CCBE1: variants seen among roughly 807,000 people sequenced by gnomAD.
The protein encoded by CCBE1 is collagen and calcium binding EGF domains 1, also known as collagen and calcium-binding EGF domain-containing protein 1.
Under a neutral mutation model 50.0 loss-of-function variants are expected in CCBE1, and 37 were observed. That is an observed-to-expected ratio of 0.74 (90% CI 0.57 to 0.97). CCBE1 has a LOEUF of 0.97. CCBE1 is among the 50% of genes least tolerant of loss of function. The pLI, the probability that CCBE1 is intolerant of heterozygous loss-of-function variation, is 0.00. For synonymous variants in CCBE1, 234 were observed against 203.7 expected (o/e 1.15, Z -1.27); for missense variants, 538 against 523.8 (o/e 1.03, Z -0.26).
In CCBE1 at chr18:59,524,928, G is replaced by A. The variant is rs146241619; in HGVS notation, c.213-44690C>T. Among the ~76,000 whole-genome samples, 1,297 of 152,216 alleles carry A rather than the reference G, an allele frequency of 8.5e-3. 16 individuals are homozygous for A. The highest frequency in any genetic ancestry group is 0.027 in the South Asian group (130 of 4,818). ...ATGTCCCTGCAAACTACATGATCTC[G>A]TTCCTTTTAATGGCTGTATAGTGTT... is the stretch of plus-strand genomic sequence containing the variant. On this transcript the variant is annotated intron_variant, in intron 2 of 10. Coordinates refer to ENST00000439986, the MANE Select transcript of CCBE1 (RefSeq NM_133459.4).
rs540247760 is a variant in CCBE1 at position 59,608,015 on chromosome 18, T to C, written c.212+88614A>G. Among the ~76,000 whole-genome samples the C allele has an allele frequency of 2.5e-3, 383 of 151,160 alleles. 9 individuals carry two copies. The East Asian group carries it at 0.037, about 15-fold the overall frequency. On this transcript the variant is annotated intron_variant, in intron 2 of 10. Coordinates refer to ENST00000439986, the MANE Select transcript of CCBE1 (RefSeq NM_133459.4). ...CTCTTGAATCCAGGAAGCAGAGGTG[T>C]AGTGAGCCGATATTGCGCCACTGCA...
intron 2 of CCBE1, among the ~76,000 whole-genome samples, chr18:59,500,287 C>A (rs954640422): frequency 1.3e-5 from 2 of 152,152 alleles, no homozygotes; most frequent in Non-Finnish European, 1.5e-5. Context: ...GTCTGGGAGA[C>A]CTCTGTTAAT....
chr18:59,682,719 C>T (rs1220234199), intron 2 of CCBE1, among the ~76,000 whole-genome samples: 1 of 152,234 alleles, frequency 6.6e-6, no homozygotes, highest in Non-Finnish European at 1.5e-5. Flanking sequence ...CTAAGGATAT[C>T]TTAGCATATG....
At chr18:59,640,496 A>T (rs2144644116) in intron 2 of CCBE1, among the ~76,000 whole-genome samples, 1 of 152,314 alleles carries the variant, frequency 6.6e-6, no homozygotes, top group Non-Finnish European at 1.5e-5. Flanking sequence ...TGGATTAAAG[A>T]CTTAAACATA....
At chr18:59,455,585 T>C (rs539190579) in intron 5 of CCBE1, among the ~76,000 whole-genome samples, 30 of 152,318 alleles carry the variant, frequency 2.0e-4, no homozygotes, top group Non-Finnish European at 1.6e-4. Flanking sequence ...CATGGGCTTT[T>C]TGTAAAAACA....
chr18:59,592,716 T>C (rs1358583752), intron 2 of CCBE1, among the ~76,000 whole-genome samples: 1 of 152,186 alleles, frequency 6.6e-6, no homozygotes, highest in African/African-American at 2.4e-5. Context: ...GGTGAAAATA[T>C]ATTGGAGTAA....
At chr18:59,446,280 C>T (rs778463496) in intron 7 of CCBE1, among the ~76,000 whole-genome samples, 2 of 152,192 alleles carry the variant, frequency 1.3e-5, no homozygotes, top group Non-Finnish European at 2.9e-5. Context: ...CTCCCCTGCT[C>T]CTACAGTTGG....
At chr18:59,530,073 T>C (rs944692949) in intron 2 of CCBE1, among the ~76,000 whole-genome samples, 1 of 152,204 alleles carries the variant, frequency 6.6e-6, no homozygotes, top group African/African-American at 2.4e-5. Flanking sequence ...GTGATGCTGA[T>C]GCTGCTGTTC....
rs1449417855 is a variant in CCBE1, at chr18:59,435,924, CTG to C, written c.1203_1204del (p.Asp403LeufsTer23). On this transcript the variant is annotated frameshift_variant, in exon 11 of 11. Coordinates refer to ENST00000439986, the MANE Select transcript of CCBE1 (RefSeq NM_133459.4). LOFTEE classifies it high-confidence loss of function. The stretch of plus-strand genomic sequence containing the variant: ...TGGGATGTGCTATGGGTAGAAGTCT[CTG>C]GGGGCTCTCAAGTCTCTTGTCTCAG... 1 of 1,614,122 alleles carries C rather than the reference CTG, an allele frequency of 6.2e-7. No homozygotes were observed. The highest frequency in any genetic ancestry group is 1.1e-5 in the South Asian group (1 of 91,066).
At chr18:59,498,705 CT>C (rs1179369580) in intron 2 of CCBE1, among the ~76,000 whole-genome samples, 3 of 152,160 alleles carry the variant, frequency 2.0e-5, no homozygotes, top group African/African-American at 7.2e-5. Flanking sequence ...TTTTCCGTGC[CT>C]TGTTGCTTTC....
intron 2 of CCBE1, among the ~76,000 whole-genome samples, chr18:59,666,598 C>CA (rs1416338384): frequency 2.0e-5 from 3 of 149,616 alleles, no homozygotes; most frequent in Non-Finnish European, 4.4e-5. Context: ...AGCAAAGCTA[C>CA]AAGACACTTT....
In CCBE1 at chr18:59,480,192, G is replaced by T. The variant is rs148498685; in HGVS notation, c.259C>A (p.Pro87Thr). ...GYKFVLGQCI[P>T]EDYDVCAEAP... ...TCTTTTTTATATTACATACCTTCTG[G>T]GATGCATTGTCCAAGAACAAATTTA... The change falls in exon 3 of 11, where the codon CCA becomes ACA. Residue 87 changes from proline to threonine, a missense_variant. Physicochemically the swap from Pro to Thr is conservative, Grantham distance 38. Coordinates refer to ENST00000439986, the MANE Select transcript of CCBE1 (RefSeq NM_133459.4). 5 of 1,586,928 alleles carry T rather than the reference G, an allele frequency of 3.2e-6. No homozygotes were observed. The highest frequency in any genetic ancestry group is 4.3e-6 in the Non-Finnish European group (5 of 1,156,064).
chr18:59,506,025 A>G (rs946401052), intron 2 of CCBE1, among the ~76,000 whole-genome samples: 7 of 152,230 alleles, frequency 4.6e-5, no homozygotes, highest in Admixed American at 1.3e-4. Context: ...GTGTCTCCCC[A>G]TTCACATATA....
intron 2 of CCBE1, among the ~76,000 whole-genome samples, chr18:59,625,088 C>A (rs955905859): frequency 1.3e-5 from 2 of 152,060 alleles, no homozygotes; most frequent in Non-Finnish European, 2.9e-5. Context: ...AAATGGAAAC[C>A]AAAATCCCCT....
At chr18:59,612,621 G>T (rs1029265836) in intron 2 of CCBE1, among the ~76,000 whole-genome samples, 1 of 152,128 alleles carries the variant, frequency 6.6e-6, no homozygotes, top group Non-Finnish European at 1.5e-5. Flanking sequence ...ACTGAGACTT[G>T]GACAGCTGAA....
At chr18:59,599,018 C>T (rs2053393752) in intron 2 of CCBE1, among the ~76,000 whole-genome samples, 1 of 152,108 alleles carries the variant, frequency 6.6e-6, no homozygotes, top group Non-Finnish European at 1.5e-5. Context: ...GATATCAGAC[C>T]CACTTCTAGG....
At chr18:59,670,135 G>C (rs1002931387) in intron 2 of CCBE1, among the ~76,000 whole-genome samples, 13 of 144,238 alleles carry the variant, frequency 9.0e-5, no homozygotes, top group Admixed American at 6.9e-4. Flanking sequence ...GAGGGGGTGG[G>C]GGAAGGGTGG....
At chr18:59,465,446 T>C (rs1482889198) in intron 5 of CCBE1, 1 of 152,170 alleles carries the variant, frequency 6.6e-6, no homozygotes, top group Non-Finnish European at 1.5e-5. Context: ...CAGCTGATCA[T>C]ATGCTTGAGT....
Position 59,439,746 on chromosome 18 carries a change from C to A in CCBE1, c.846G>T (p.Arg282=), listed in dbSNP as rs1201567903. The change falls in exon 8 of 11, where the codon CGG becomes CGT. Residue 282 remains arginine, a synonymous_variant. Coordinates refer to ENST00000439986, the MANE Select transcript of CCBE1 (RefSeq NM_133459.4). Reference sequence around the variant, plus strand: ...ATGGTCCCATGGGTCCCATTGAGCCCCGTGGGCCGGGCTGCCCAGGAGGGC... The same window carrying A: ...ATGGTCCCATGGGTCCCATTGAGCCACGTGGGCCGGGCTGCCCAGGAGGGC... ...MPGPPGQPGP[R]GSMGPMGPSP... 6.2e-7 allele frequency: 1 copy of A among 1,614,218 alleles called. No individual in the cohort carries two copies. The highest frequency in any genetic ancestry group is 8.5e-7 in the Non-Finnish European group (1 of 1,180,032).
Sources: allele counts gnomAD v4.1 joint callset (sites outside exome capture counted in the v4.1 genomes callset), GRCh38; gene constraint gnomAD v4.1.1; transcripts MANE v1.5; gene names NCBI Gene and HGNC (gene_info 2026-07-23, HGNC 2026-07-21).